The following KATNBL1 variants were observed in gnomAD, a reference collection of about 807,000 sequenced individuals.
KATNBL1 encodes katanin regulatory subunit B1 like 1, also known as KATNB1-like protein 1.
A neutral mutation model predicts 44.7 loss-of-function variants in KATNBL1; 28 were observed. The ratio of observed to expected loss-of-function variants is 0.63; its 90% confidence interval spans 0.46 to 0.86. The LOEUF is 0.86. Ranked by LOEUF, KATNBL1 falls within the 40% of genes least tolerant of loss-of-function variation. KATNBL1 has a pLI of 0.00. For missense variants in KATNBL1, 272 were observed against 350.7 expected (o/e 0.78, Z 1.79); for synonymous variants, 78 against 114.9 (o/e 0.68, Z 2.06).
At position 34,145,947 on chromosome 15, in the gene KATNBL1, CT is replaced by C. The variant is rs35429469; in HGVS notation, c.789-457del. The C allele has an allele frequency of 1.9e-3, 233 of 123,280 alleles. 1 individual carries two copies. Among genetic ancestry groups the C allele is most frequent in the East Asian group, 0.014 (60 of 4,248 alleles). 7.6% of individuals were successfully genotyped at this position (123,280 alleles called of 1,614,324 possible). On this transcript the variant is annotated intron_variant, in intron 8 of 9. Transcript: ENST00000256544. ...TGAGAGCCTACAAAATAAATTGTGG[CT>C]TTTTTTTTTTTTTTTTTTGAGACAA...
chr15:34,199,333 A>C (rs1373022660), intron 1 of KATNBL1, among the ~76,000 whole-genome samples: 1 of 152,148 alleles, frequency 6.6e-6, no homozygotes, highest in Non-Finnish European at 1.5e-5. Flanking sequence ...GCTACTCTGG[A>C]GGCTAAGGCA....
At chr15:34,151,435 ACTTTTTTTTT>A (rs1266775405) in intron 4 of KATNBL1, among the ~76,000 whole-genome samples, 1 of 63,826 alleles carries the variant, frequency 1.6e-5, no homozygotes, top group South Asian at 4.6e-4. Context: ...TCCTTTGCCT[ACTTTTTTTTT>A]TTTTTTTTTT....
At chr15:34,195,571 A>G (rs1890006935) in intron 1 of KATNBL1, among the ~76,000 whole-genome samples, 1 of 151,978 alleles carries the variant, frequency 6.6e-6, no homozygotes, top group South Asian at 2.1e-4. Flanking sequence ...GTATCCTATA[A>G]TCCCAGATAC....
intron 2 of KATNBL1, among the ~76,000 whole-genome samples, chr15:34,162,318 A>G (rs1343692566): frequency 6.6e-6 from 1 of 152,156 alleles, no homozygotes; most frequent in Non-Finnish European, 1.5e-5. Flanking sequence ...TGATGGTTTT[A>G]TAAGGGGAAA....
At chr15:34,204,518 G>A (rs985352539) in intron 1 of KATNBL1, among the ~76,000 whole-genome samples, 3 of 152,196 alleles carry the variant, frequency 2.0e-5, no homozygotes, top group Non-Finnish European at 4.4e-5. Context: ...CATGGATGCT[G>A]AGGGTAGACT....
chr15:34,164,716 C>T (rs534448910), intron 1 of KATNBL1, among the ~76,000 whole-genome samples: 2 of 152,326 alleles, frequency 1.3e-5, no homozygotes, highest in Admixed American at 6.5e-5. Flanking sequence ...CTCCCTTATT[C>T]TTTCTTTAAA....
At chr15:34,181,026 A>C (rs1249443934) in intron 1 of KATNBL1, among the ~76,000 whole-genome samples, 1 of 152,162 alleles carries the variant, frequency 6.6e-6, no homozygotes, top group African/African-American at 2.4e-5. Flanking sequence ...TCACCATAAC[A>C]ATTATTTGAT....
intron 1 of KATNBL1, among the ~76,000 whole-genome samples, chr15:34,199,421 G>C (rs1890110826): frequency 6.6e-6 from 1 of 152,006 alleles, no homozygotes; most frequent in Non-Finnish European, 1.5e-5. Context: ...TAGATGACAG[G>C]GCAAGACTCC....
rs147440874 is a variant in KATNBL1 at position 34,182,426 on chromosome 15, A to G, written c.-14-18736T>C. Reference sequence around the variant, plus strand: ...GGCAAATTTGACAGCATTGTAAAGCAAATGAAATATAATCACATCTCAGTA... The same window carrying G: ...GGCAAATTTGACAGCATTGTAAAGCGAATGAAATATAATCACATCTCAGTA... On this transcript the variant is annotated intron_variant, in intron 1 of 9. Coordinates refer to ENST00000256544, the MANE Select transcript of KATNBL1 (RefSeq NM_024713.3). Among the ~76,000 whole-genome samples, 6 of 152,340 alleles carry G rather than the reference A, an allele frequency of 3.9e-5. No individual in the cohort carries two copies. The East Asian group carries it at 9.6e-4, about 24-fold the overall frequency.
chr15:34,188,155 A>G (rs1444903190), intron 1 of KATNBL1, among the ~76,000 whole-genome samples: 2 of 148,562 alleles, frequency 1.3e-5, no homozygotes, highest in South Asian at 2.1e-4. Flanking sequence ...AAAAAAAAAA[A>G]AAAAAAAAAA....
chr15:34,166,325 T>C (rs986766194), intron 1 of KATNBL1, among the ~76,000 whole-genome samples: 1 of 152,230 alleles, frequency 6.6e-6, no homozygotes, highest in African/African-American at 2.4e-5. Context: ...CACGGAGCCT[T>C]GCTTACTGCC....
At chr15:34,180,304 A>G (rs1434896698) in intron 1 of KATNBL1, among the ~76,000 whole-genome samples, 1 of 151,578 alleles carries the variant, frequency 6.6e-6, no homozygotes, top group Non-Finnish European at 1.5e-5. Flanking sequence ...AAACCTATAT[A>G]GGAGCCTTTA....
chr15:34,169,451 G>A (rs1889089809), intron 1 of KATNBL1, among the ~76,000 whole-genome samples: 1 of 152,046 alleles, frequency 6.6e-6, no homozygotes, highest in Non-Finnish European at 1.5e-5. Context: ...ATAATTAATA[G>A]CCTACCAACC....
chr15:34,193,994 T>C (rs1371462273), intron 1 of KATNBL1, among the ~76,000 whole-genome samples: 2 of 151,924 alleles, frequency 1.3e-5, no homozygotes, highest in Non-Finnish European at 2.9e-5. Context: ...CAGACTGGAA[T>C]GCAGTGGCAC....
chr15:34,161,949 G>A (rs1241651519), intron 2 of KATNBL1, among the ~76,000 whole-genome samples: 1 of 152,168 alleles, frequency 6.6e-6, no homozygotes, highest in Non-Finnish European at 1.5e-5. Flanking sequence ...GTTCTTTGAA[G>A]AGGAACTCAG....
chr15:34,145,237 G>C (rs1455023056), intron 9 of KATNBL1, 161 bp downstream of exon 9: 1 of 1,402,172 alleles, frequency 7.1e-7, no homozygotes, highest in East Asian at 3.5e-5. Context: ...CAAGGTCACA[G>C]TTACACGCAG....
At chr15:34,154,896 C>T in intron 2 of KATNBL1, 1 of 550,878 alleles carries the variant, frequency 1.8e-6, no homozygotes, top group Non-Finnish European at 3.3e-6. Context: ...CTGTGTCATT[C>T]CCCTATTGGC....
chr15:34,197,245 G>A (rs556088337), intron 1 of KATNBL1, among the ~76,000 whole-genome samples: 3 of 152,148 alleles, frequency 2.0e-5, no homozygotes, highest in East Asian at 1.9e-4. Context: ...TTTTTCTTAC[G>A]TTTAAACTGA....
intron 1 of KATNBL1, among the ~76,000 whole-genome samples, chr15:34,173,117 A>G (rs1228891604): frequency 2.6e-4 from 39 of 152,050 alleles, no homozygotes; most frequent in Non-Finnish European, 4.4e-5. Context: ...AGGAAGAAAA[A>G]AAAAACCAGA....
Sources: allele counts gnomAD v4.1 joint callset (sites outside exome capture counted in the v4.1 genomes callset), GRCh38; gene constraint gnomAD v4.1.1; transcripts MANE v1.5; gene names NCBI Gene and HGNC (gene_info 2026-07-23, HGNC 2026-07-21).